EPDR1: variants seen among roughly 807,000 people sequenced by gnomAD.
The protein encoded by EPDR1 is ependymin related 1.
A neutral mutation model predicts 23.7 loss-of-function variants in EPDR1; 27 were observed. The observed-to-expected ratio is 1.14, with a 90% CI of 0.84 to 1.57. EPDR1 has a LOEUF of 1.57. Among genes scored for constraint, EPDR1 ranks in the 40% most tolerant of loss-of-function variants. The probability of loss-of-function intolerance (pLI) is 0.00; values close to 1 mark genes in which losing one functional copy is unlikely to be tolerated. For missense variants in EPDR1, 349 were observed against 290.4 expected (o/e 1.20, Z -1.47); for synonymous variants, 137 against 118.2 (o/e 1.16, Z -1.03).
chr7:37,945,727 A>G (rs1305766773), intron 1 of EPDR1, among the ~76,000 whole-genome samples: 2 of 152,034 alleles, frequency 1.3e-5, no homozygotes, highest in Admixed American at 6.5e-5. Flanking sequence ...TTTTTCTTCA[A>G]CTTTTATTCT....
At chr7:37,923,727 G>T (rs1205972073) in intron 1 of EPDR1, among the ~76,000 whole-genome samples, 2 of 151,976 alleles carry the variant, frequency 1.3e-5, no homozygotes, top group Non-Finnish European at 2.9e-5. Context: ...ATCTGGATCT[G>T]AATCCAGACT....
intron 1 of EPDR1, among the ~76,000 whole-genome samples, chr7:37,929,808 A>G (rs755774882): frequency 6.6e-5 from 10 of 152,172 alleles, no homozygotes; most frequent in Non-Finnish European, 1.3e-4. Context: ...CCTTTCGCCC[A>G]TGAGCCACTC....
intron 1 of EPDR1, among the ~76,000 whole-genome samples, chr7:37,946,814 A>G (rs552664965): frequency 1.3e-5 from 2 of 151,944 alleles, no homozygotes; most frequent in South Asian, 4.1e-4. Context: ...TAATAAAATA[A>G]ATTTTAAAAT....
chr7:37,951,823 T>C lies in EPDR1; in HGVS notation c.*1427T>C, dbSNP rs1429821429. On this transcript the variant is annotated 3_prime_UTR_variant, in exon 3 of 3. Coordinates refer to ENST00000199448, the MANE Select transcript of EPDR1 (RefSeq NM_017549.5). ...GTTTATCTATATTAAACAAATTTAATTGCATTTTAAAGCATTCTTTGATAC... is the reference window on the plus strand; with the variant it reads ...GTTTATCTATATTAAACAAATTTAACTGCATTTTAAAGCATTCTTTGATAC... 1 of 112,684 alleles carries C rather than the reference T, an allele frequency of 8.9e-6. No homozygotes were observed. Among genetic ancestry groups the C allele is most frequent in the East Asian group, 2.2e-4 (1 of 4,576 alleles). The allele number at this position is 112,684 out of a possible 1,614,324, so 7.0% of individuals were successfully genotyped here.
At chr7:37,940,025 A>C (rs1043624032) in intron 1 of EPDR1, among the ~76,000 whole-genome samples, 1 of 152,222 alleles carries the variant, frequency 6.6e-6, no homozygotes, top group Non-Finnish European at 1.5e-5. Context: ...GAATAGAAAC[A>C]ACTCAATGTT....
rs868328709 is a variant in EPDR1, at chr7:37,933,749, T to C, written c.269+12541T>C. Among the ~76,000 whole-genome samples, 3 of 152,306 alleles carry C rather than the reference T, an allele frequency of 2.0e-5. No individual in the cohort carries two copies. In the South Asian group the frequency reaches 6.2e-4, roughly 32 times the overall value. ...CTCATTCTGAGAGGGAAGGCTCTCA[T>C]AGAGATTTTGTAATGAATTGAGTAG... On this transcript the variant is annotated intron_variant, in intron 1 of 2. Transcript: ENST00000199448.
intron 1 of EPDR1, among the ~76,000 whole-genome samples, chr7:37,943,214 C>G (rs534418626): frequency 4.9e-4 from 75 of 152,358 alleles, no homozygotes; most frequent in Non-Finnish European, 9.3e-4. Flanking sequence ...AACACCAATT[C>G]CAGCATCTCA....
At chr7:37,943,510 C>G (rs1786211657) in intron 1 of EPDR1, among the ~76,000 whole-genome samples, 1 of 152,334 alleles carries the variant, frequency 6.6e-6, no homozygotes, top group South Asian at 2.1e-4. Context: ...TTCACATAAA[C>G]ACACACGCCA....
In EPDR1 at chr7:37,950,212, T is replaced by C. The variant is rs200925563; in HGVS notation, c.491T>C (p.Ile164Thr). Reference protein sequence around the residue: ...RKSARSYETWIGIYTVKDCYP... With the variant: ...RKSARSYETWTGIYTVKDCYP... ...TTTCCTCTTATAGATGAAACCTGGA[T>C]TGGCATCTATACAGTCAAGGATTGC... The change falls in exon 3 of 3, where the codon ATT (isoleucine) becomes ACT (threonine). Residue 164 changes from isoleucine (I) to threonine (T), a missense_variant. Coordinates refer to ENST00000199448, the MANE Select transcript of EPDR1 (RefSeq NM_017549.5). The C allele has an allele frequency of 5.6e-6, 9 of 1,600,542 alleles. No individual in the cohort carries two copies. Among genetic ancestry groups the C allele is most frequent in the Non-Finnish European group, 7.7e-6 (9 of 1,170,272 alleles).
chr7:37,921,580 C>T, intron 1 of EPDR1: 1 of 983,648 alleles, frequency 1.0e-6, no homozygotes, highest in African/African-American at 1.7e-5. Flanking sequence ...GGCGTGTCTT[C>T]TGCGCTATCT....
chr7:37,923,230 A>G (rs1231572647), intron 1 of EPDR1, among the ~76,000 whole-genome samples: 1 of 152,234 alleles, frequency 6.6e-6, no homozygotes, highest in Non-Finnish European at 1.5e-5. Flanking sequence ...GGAAGTGAGA[A>G]CACAATCTTG....
intron 1 of EPDR1, among the ~76,000 whole-genome samples, chr7:37,937,395 A>G (rs1370659942): frequency 1.3e-5 from 2 of 152,244 alleles, no homozygotes; most frequent in Non-Finnish European, 2.9e-5. Context: ...TAAAAATGAA[A>G]AAGCCTTTGC....
intron 1 of EPDR1, among the ~76,000 whole-genome samples, chr7:37,944,448 A>G (rs1786232698): frequency 6.6e-6 from 1 of 152,200 alleles, no homozygotes; most frequent in Admixed American, 6.5e-5. Context: ...TATGACAAAT[A>G]TGAGGCTAGG....
chr7:37,921,531 G>A, intron 1 of EPDR1: 12 of 1,294,732 alleles, frequency 9.3e-6, no homozygotes, highest in Non-Finnish European at 1.2e-5. Context: ...TCACGCTGCT[G>A]AGTCAGGCTC....
intron 1 of EPDR1, among the ~76,000 whole-genome samples, chr7:37,923,202 G>A (rs555249556): frequency 6.6e-6 from 1 of 152,326 alleles, no homozygotes; most frequent in South Asian, 2.1e-4. Flanking sequence ...ACAAAATGGA[G>A]CCATGTGGAG....
chr7:37,942,598 A>G (rs1347903816), intron 1 of EPDR1, among the ~76,000 whole-genome samples: 1 of 152,216 alleles, frequency 6.6e-6, no homozygotes, highest in Non-Finnish European at 1.5e-5. Context: ...TCTTGCCACA[A>G]TTAAAACATA....
chr7:37,926,354 A>G (rs1444029149), intron 1 of EPDR1, among the ~76,000 whole-genome samples: 2 of 152,064 alleles, frequency 1.3e-5, no homozygotes, highest in Non-Finnish European at 2.9e-5. Context: ...CCCAGCAAGG[A>G]CATTCTCCTG....
intron 1 of EPDR1, among the ~76,000 whole-genome samples, chr7:37,945,935 CTCA>C (rs151082217): frequency 0.014 from 2,065 of 152,284 alleles, 15 homozygotes; most frequent in Non-Finnish European, 0.021. Flanking sequence ...TCCATTTGTT[CTCA>C]TCATTCAGCT....
Position 37,920,852 on chromosome 7 carries a change from A to G in EPDR1, c.-88A>G. 6.2e-7 allele frequency: 1 copy of G among 1,610,706 alleles called. No homozygotes were observed. Among genetic ancestry groups the G allele is most frequent in the South Asian group, 1.1e-5 (1 of 90,650 alleles). ...GACCACACTCCCGGCACAGTGCGGA[A>G]AGAGCCGGCGGGAGCCACTCTGATC... On this transcript the variant is annotated 5_prime_UTR_variant, in exon 1 of 3. Transcript: ENST00000199448.
Sources: allele counts gnomAD v4.1 joint callset (sites outside exome capture counted in the v4.1 genomes callset), GRCh38; gene constraint gnomAD v4.1.1; transcripts MANE v1.5; gene names NCBI Gene and HGNC (gene_info 2026-07-23, HGNC 2026-07-21).